Variants in CACNA2D3 observed in about 807,000 individuals in gnomAD.
CACNA2D3 encodes the protein calcium voltage-gated channel auxiliary subunit alpha2delta 3.
Under a neutral mutation model 160.6 loss-of-function variants are expected in CACNA2D3, and 60 were observed. That is an observed-to-expected ratio of 0.37 (90% CI 0.30 to 0.46). CACNA2D3 has a LOEUF of 0.46. Among genes scored for constraint, CACNA2D3 ranks in the 20% least tolerant of loss-of-function variants. The probability of loss-of-function intolerance (pLI) is 1.00; values close to 1 mark genes in which losing one functional copy is unlikely to be tolerated. For missense variants in CACNA2D3, 1,205 were observed against 1,365.0 expected, an observed-to-expected ratio of 0.88 and a Z score of 1.85; for synonymous variants, 558 against 492.9, an observed-to-expected ratio of 1.13 and a Z score of -1.75.
Position 54,635,021 on chromosome 3 carries a change from G to C in CACNA2D3, c.1054-7107G>C, listed in dbSNP as rs139772011. Among the ~76,000 whole-genome samples, 597 of 152,024 alleles carry C rather than the reference G, an allele frequency of 3.9e-3. 13 individuals are homozygous for C. The highest frequency in any genetic ancestry group is 0.014 in the African/African-American group (579 of 41,328). On this transcript the variant is annotated intron_variant, in intron 10 of 37. Coordinates refer to ENST00000474759, the MANE Select transcript of CACNA2D3 (RefSeq NM_018398.3). Reference sequence around the variant, plus strand: ...ATTTTTGTGGAGTGGTATGGAGAGAGAGTGGACGATGTTTCTCAGGGCTGC... The same window carrying C: ...ATTTTTGTGGAGTGGTATGGAGAGACAGTGGACGATGTTTCTCAGGGCTGC...
chr3:54,139,034 C>T (rs779000520), intron 2 of CACNA2D3, among the ~76,000 whole-genome samples: 6 of 152,170 alleles, frequency 3.9e-5, no homozygotes, highest in Non-Finnish European at 5.9e-5. Context: ...GGTTCTAGTT[C>T]TGGCCTGACA....
intron 27 of CACNA2D3, among the ~76,000 whole-genome samples, chr3:54,919,373 C>T (rs186083658): frequency 4.8e-4 from 73 of 152,282 alleles, no homozygotes; most frequent in African/African-American, 1.6e-3. Flanking sequence ...CTGTGTGTCT[C>T]AACACTGTTC....
Position 54,489,141 on chromosome 3 carries a change from G to A in CACNA2D3, c.382-14351G>A, listed in dbSNP as rs1414496546. ...GAGGGCAGAGGCCAGAGTGAGCAGG[G>A]CCTCATCAGCCGTGCTAAGGATCTT... On this transcript the variant is annotated intron_variant, in intron 4 of 37. Transcript: ENST00000474759. Among the ~76,000 whole-genome samples the A allele has an allele frequency of 2.6e-5, 4 of 152,126 alleles. No homozygotes were observed. The East Asian group carries it at 5.8e-4, about 22-fold the overall frequency.
intron 17 of CACNA2D3, among the ~76,000 whole-genome samples, chr3:54,851,008 C>T (rs1162033694): frequency 6.6e-6 from 1 of 152,226 alleles, no homozygotes; most frequent in Non-Finnish European, 1.5e-5. Context: ...CAGAGATGTG[C>T]CCTACCTCCA....
chr3:54,541,035 T>C (rs879743145), intron 5 of CACNA2D3, among the ~76,000 whole-genome samples: 3 of 151,960 alleles, frequency 2.0e-5, no homozygotes, highest in Non-Finnish European at 2.9e-5. Flanking sequence ...CCCAGCACTT[T>C]GGGAGGCCAA....
rs1704884713 is a variant in CACNA2D3, at chr3:55,074,009, C to CACA, written c.3184-104_3184-103insCAA. 2.6e-6 allele frequency: 3 copies of CACA among 1,136,056 alleles called. No homozygotes were observed. The African/African-American group carries it at 4.6e-5, about 17-fold the overall frequency. The allele number at this position is 1,136,056 out of a possible 1,614,324, so 70.4% of individuals were successfully genotyped here. A position where few individuals can be genotyped will look rare whatever the true frequency, so the allele number is the denominator to read the frequency against. On this transcript the variant is annotated intron_variant, in intron 37 of 37. Transcript: ENST00000474759. ...TGAATCTGCACCATCATCTAGGTCCCAGAAGACTTCGTTCTTACGTTAGAG... is the reference window on the plus strand; with the variant it reads ...TGAATCTGCACCATCATCTAGGTCCCACAAGAAGACTTCGTTCTTACGTTAGAG...
At chr3:54,840,133 G>A (rs1036759800) in intron 16 of CACNA2D3, among the ~76,000 whole-genome samples, 1 of 151,990 alleles carries the variant, frequency 6.6e-6, no homozygotes. Flanking sequence ...TTCACATGAG[G>A]AGATTTAGAA....
At chr3:55,053,370 T>G (rs1201807996) in intron 35 of CACNA2D3, among the ~76,000 whole-genome samples, 1 of 152,032 alleles carries the variant, frequency 6.6e-6, no homozygotes, top group Non-Finnish European at 1.5e-5. Flanking sequence ...TGATTTGCCT[T>G]TTATTTATAA....
At chr3:54,270,922 C>T (rs373289796) in intron 2 of CACNA2D3, among the ~76,000 whole-genome samples, 1 of 152,158 alleles carries the variant, frequency 6.6e-6, no homozygotes, top group South Asian at 2.1e-4. Flanking sequence ...TTTTGTCACC[C>T]GTTGGAGGAA....
At chr3:54,276,729 G>T (rs540775161) in intron 2 of CACNA2D3, among the ~76,000 whole-genome samples, 133 of 152,062 alleles carry the variant, frequency 8.7e-4, no homozygotes, top group Admixed American at 1.5e-3. Context: ...GTATGGGAGA[G>T]AGGATGGTAA....
chr3:54,351,807 T>C (rs1272615660), intron 3 of CACNA2D3, among the ~76,000 whole-genome samples: 1 of 152,200 alleles, frequency 6.6e-6, no homozygotes, highest in Non-Finnish European at 1.5e-5. Context: ...CTTGCTCGGC[T>C]CTCTTTCGGC....
At chr3:54,750,027 T>C (rs1206075553) in intron 11 of CACNA2D3, among the ~76,000 whole-genome samples, 4 of 152,216 alleles carry the variant, frequency 2.6e-5, no homozygotes, top group Non-Finnish European at 4.4e-5. Flanking sequence ...GTTAGCATAA[T>C]TATTCTGAAG....
intron 3 of CACNA2D3, among the ~76,000 whole-genome samples, chr3:54,355,566 C>T (rs986113804): frequency 1.3e-5 from 2 of 151,650 alleles, no homozygotes; most frequent in Non-Finnish European, 2.9e-5. Context: ...ATGTGTTGGC[C>T]ATGGGGGAAG....
chr3:54,132,525 C>T (rs1699732897), intron 2 of CACNA2D3, among the ~76,000 whole-genome samples: 1 of 152,200 alleles, frequency 6.6e-6, no homozygotes, highest in African/African-American at 2.4e-5. Context: ...TCACAGCTCA[C>T]TAATCTTTTG....
At chr3:54,626,390 T>C in intron 9 of CACNA2D3, 1 of 1,569,922 alleles carries the variant, frequency 6.4e-7, no homozygotes, top group Non-Finnish European at 8.6e-7. Flanking sequence ...CTGAAGTGCC[T>C]GCGCAAGGCC....
chr3:54,430,032 T>C (rs1245027388), intron 4 of CACNA2D3, among the ~76,000 whole-genome samples: 1 of 152,146 alleles, frequency 6.6e-6, no homozygotes, highest in Non-Finnish European at 1.5e-5. Flanking sequence ...GAGATGGAAA[T>C]TGGAAAAAAT....
chr3:54,511,570 A>G (rs940263732), intron 5 of CACNA2D3, among the ~76,000 whole-genome samples: 5 of 152,252 alleles, frequency 3.3e-5, no homozygotes, highest in Middle Eastern at 3.4e-3. Context: ...TGAAGTAATT[A>G]CTTTCAGGAT....
intron 2 of CACNA2D3, among the ~76,000 whole-genome samples, chr3:54,282,395 C>T (rs1230386696): frequency 6.6e-6 from 1 of 152,136 alleles, no homozygotes; most frequent in Non-Finnish European, 1.5e-5. Context: ...GGATAGTAGC[C>T]ATTAGCCAGC....
intron 11 of CACNA2D3, among the ~76,000 whole-genome samples, chr3:54,703,428 G>A (rs1386685749): frequency 1.3e-5 from 2 of 152,026 alleles, no homozygotes; most frequent in Non-Finnish European, 2.9e-5. Context: ...ATTCTTGGGT[G>A]GTATTACATT....
Sources: gnomAD v4.1 joint callset for allele counts (sites outside exome capture counted in the v4.1 genomes callset) on GRCh38, gnomAD v4.1.1 for gene constraint, MANE v1.5 for transcripts, NCBI Gene and HGNC (gene_info 2026-07-23, HGNC 2026-07-21) for gene names.